The following HIF3A variants were observed in gnomAD, a reference collection of about 807,000 sequenced individuals.
HIF3A encodes the protein hypoxia inducible factor 3 subunit alpha, also known as hypoxia-inducible factor 3-alpha.
A neutral mutation model predicts 67.2 loss-of-function variants in HIF3A; 41 were observed. The observed-to-expected ratio is 0.61, with a 90% CI of 0.48 to 0.79. The LOEUF (loss-of-function observed/expected upper bound fraction) is 0.79. Among genes scored for constraint, HIF3A ranks in the 30% least tolerant of loss-of-function variants. The probability of loss-of-function intolerance (pLI) is 0.00; values close to 1 mark genes in which losing one functional copy is unlikely to be tolerated. For synonymous variants in HIF3A, 356 were observed against 374.8 expected (o/e 0.95, Z 0.58); for missense variants, 855 against 898.0 (o/e 0.95, Z 0.61).
chr19:46,308,955 C>T (rs1402378528), intron 5 of HIF3A, among the ~76,000 whole-genome samples, 180 bp downstream of exon 5: 1 of 152,044 alleles, frequency 6.6e-6, no homozygotes, highest in Non-Finnish European at 1.5e-5. Flanking sequence ...GAGTTGGGAC[C>T]TGGGGCTCCT....
Position 46,309,338 on chromosome 19 carries a change from A to G in HIF3A, c.749A>G (p.Lys250Arg). The change falls in exon 6 of 15, where the codon AAG becomes AGG. Residue 250 changes from lysine (K) to arginine (R), a missense_variant. Lys to Arg is a conservative substitution (Grantham distance 26). Coordinates refer to ENST00000377670, the MANE Select transcript of HIF3A (RefSeq NM_152795.4). ...AFLSRHSLDMKFTYCDDRIAE... is the reference protein window; with the variant it reads ...AFLSRHSLDMRFTYCDDRIAE... The stretch of plus-strand genomic sequence containing the variant: ...CTCAGCCGCCACAGCCTGGACATGA[A>G]GTTCACCTACTGTGACGACAGGTGG... 6.2e-7 allele frequency: 1 copy of G among 1,611,608 alleles called. No individual in the cohort carries two copies. Among genetic ancestry groups the G allele is most frequent in the Non-Finnish European group, 8.5e-7 (1 of 1,179,070 alleles).
At chr19:46,300,193 C>T (rs1004427785) in intron 1 of HIF3A, among the ~76,000 whole-genome samples, 3 of 152,180 alleles carry the variant, frequency 2.0e-5, no homozygotes, top group Non-Finnish European at 4.4e-5. Flanking sequence ...ATCATTATTA[C>T]AGTATCACTG....
intron 14 of HIF3A, chr19:46,338,593 T>C: frequency 1.0e-6 from 1 of 992,634 alleles, no homozygotes; most frequent in African/African-American, 1.8e-5. Context: ...TTAACTGCTT[T>C]CTCACCAGTA....
chr19:46,306,197 G>T (rs923699149), intron 3 of HIF3A, among the ~76,000 whole-genome samples: 1 of 152,182 alleles, frequency 6.6e-6, no homozygotes, highest in Non-Finnish European at 1.5e-5. Flanking sequence ...CAAATTTAAG[G>T]CCAAATTATC....
In HIF3A at chr19:46,329,453, T is replaced by C; in HGVS notation, c.1687T>C (p.Ser563Pro). The C allele has an allele frequency of 6.5e-7, 1 of 1,536,056 alleles. No homozygotes were observed. Among genetic ancestry groups the C allele is most frequent in the African/African-American group, 1.4e-5 (1 of 72,658 alleles). ...SPSRGDPSASSPMAGARKRTL... is the reference protein window; with the variant it reads ...SPSRGDPSASPPMAGARKRTL... ...TTCCAGAGGGGACCCCTCAGCATCC[T>C]CTCCCATGGCTGGGGCTCGGAAGAG... The change falls in exon 12 of 15, where the codon TCT becomes CCT. Residue 563 changes from serine (S) to proline (P), a missense_variant. Physicochemically the swap from Ser to Pro is moderately conservative, Grantham distance 74. This residue lies in a region of HIF3A where 199 missense variants were observed against 193.8 expected (regional missense o/e 1.03). Transcript: ENST00000377670.
intron 6 of HIF3A, chr19:46,310,625 C>T (rs895765749): frequency 2.0e-5 from 9 of 456,144 alleles, no homozygotes; most frequent in African/African-American, 1.6e-4. Context: ...CTCTGTGCCA[C>T]AATTTCCTCA....
chr19:46,308,288 C>T lies in HIF3A; in HGVS notation c.431C>T (p.Ala144Val), dbSNP rs1178806123. The T allele has an allele frequency of 6.2e-7, 1 of 1,612,142 alleles. No individual in the cohort carries two copies. Among genetic ancestry groups the T allele is most frequent in the Admixed American group, 1.7e-5 (1 of 59,878 alleles). The change falls in exon 4 of 15, where the codon GCC becomes GTC. Residue 144 changes from alanine (A) to valine (V), a missense_variant. Coordinates refer to ENST00000377670, the MANE Select transcript of HIF3A (RefSeq NM_152795.4). The stretch of plus-strand genomic sequence containing the variant: ...TGTGACCAAGAGGAGCTTCAGGACG[C>T]CCTGACCCCCCAGCAGAGTGAGTTC... ...HPCDQEELQD[A>V]LTPQQTLSRR... is the part of the protein sequence containing the mutation.
intron 14 of HIF3A, chr19:46,338,084 G>A (rs116360838): frequency 0.031 from 12,642 of 408,668 alleles, 307 homozygotes; most frequent in African/African-American, 0.054. Flanking sequence ...TCCAATTGGC[G>A]CTTCTCACTG....
At position 46,312,143 on chromosome 19, in the gene HIF3A, A is replaced by G. The variant is rs944166463; in HGVS notation, c.771-18A>G. 20 of 1,604,502 alleles carry G rather than the reference A, an allele frequency of 1.2e-5. No homozygotes were observed. The highest frequency in any genetic ancestry group is 1.6e-5 in the Non-Finnish European group (19 of 1,172,754). On this transcript the variant is annotated intron_variant, in intron 6 of 14. Coordinates refer to ENST00000377670, the MANE Select transcript of HIF3A (RefSeq NM_152795.4). ...CCCAGTAGCATCCTGACCAGACCCC[A>G]CTCCGCCCCACCCCCAGGATTGCAG... is the stretch of plus-strand genomic sequence containing the variant.
chr19:46,304,407 T>C (rs2147124890), intron 2 of HIF3A, among the ~76,000 whole-genome samples: 1 of 152,248 alleles, frequency 6.6e-6, no homozygotes, highest in South Asian at 2.1e-4. Flanking sequence ...CTCTTACGAT[T>C]TGGTCCTCTA....
intron 8 of HIF3A, among the ~76,000 whole-genome samples, chr19:46,318,488 G>A: frequency 7.3e-6 from 1 of 137,880 alleles, no homozygotes; most frequent in South Asian, 2.4e-4. Context: ...GATTGAGGCT[G>A]CAGTGAGCCG....
chr19:46,342,481 C>G lies in HIF3A; in HGVS notation c.*2859C>G, dbSNP rs1384100875. The G allele has an allele frequency of 1.3e-5, 2 of 151,988 alleles. No individual in the cohort carries two copies. Among genetic ancestry groups the G allele is most frequent in the African/African-American group, 4.8e-5 (2 of 41,362 alleles). 9.4% of individuals were successfully genotyped at this position (151,988 alleles called of 1,614,324 possible). The stretch of plus-strand genomic sequence containing the variant: ...AACTACTGAGCTCAAGCAATTCTCC[C>G]TCCTTGGCCTCACCAAAGTGCTGGG... On this transcript the variant is annotated 3_prime_UTR_variant, in exon 15 of 15. Coordinates refer to ENST00000377670, the MANE Select transcript of HIF3A (RefSeq NM_152795.4).
intron 8 of HIF3A, among the ~76,000 whole-genome samples, chr19:46,317,820 A>C (rs79828875): frequency 0.077 from 11,756 of 152,016 alleles, 519 homozygotes; most frequent in South Asian, 0.11. Context: ...TTTTCTCTGT[A>C]GTACTTACCA....
At position 46,334,940 on chromosome 19, in the gene HIF3A, C is replaced by G. The variant is rs773108070; in HGVS notation, c.1866C>G (p.Ser622Arg). The G allele has an allele frequency of 6.2e-7, 1 of 1,609,174 alleles. No homozygotes were observed. Among genetic ancestry groups the G allele is most frequent in the Admixed American group, 1.7e-5 (1 of 59,100 alleles). ...FLLTGGPAPG[S>R]LQDPSTPLLN... is the part of the protein sequence containing the mutation. ...TGACAGGAGGACCAGCCCCAGGGAGCCTGCAGGACCCCAGCACCCCACTCC... is the reference window on the plus strand; with the variant it reads ...TGACAGGAGGACCAGCCCCAGGGAGGCTGCAGGACCCCAGCACCCCACTCC... The change falls in exon 14 of 15, where the codon AGC (serine) becomes AGG (arginine). Residue 622 changes from serine (S) to arginine (R), a missense_variant. By Grantham distance (110) the Ser-to-Arg change is moderately radical. Around this residue, in one of 3 missense-constraint regions of HIF3A, gnomAD observed 199 missense variants for 193.8 expected, o/e 1.03. Coordinates refer to ENST00000377670, the MANE Select transcript of HIF3A (RefSeq NM_152795.4).
At chr19:46,316,802 CAAAAAA>C (rs35910734) in intron 8 of HIF3A, among the ~76,000 whole-genome samples, 3 of 120,542 alleles carry the variant, frequency 2.5e-5, no homozygotes, top group Non-Finnish European at 3.3e-5. Context: ...GACTCCATCT[CAAAAAA>C]AAAAAAAAAG....
At chr19:46,323,893 A>G (rs1970570880) in intron 10 of HIF3A, among the ~76,000 whole-genome samples, 1 of 152,156 alleles carries the variant, frequency 6.6e-6, no homozygotes, top group Non-Finnish European at 1.5e-5. Context: ...CCATGATTCA[A>G]TTATCGCTGA....
chr19:46,336,388 GA>G (rs1447528246), intron 14 of HIF3A, among the ~76,000 whole-genome samples: 2 of 150,638 alleles, frequency 1.3e-5, no homozygotes, highest in Non-Finnish European at 3.0e-5. Context: ...TTTTTTTTGA[GA>G]AGGGTCTCGC....
chr19:46,310,770 A>G, intron 6 of HIF3A: 1 of 330,008 alleles, frequency 3.0e-6, no homozygotes, highest in Non-Finnish European at 6.2e-6. Context: ...GTTGTTGTTG[A>G]GGTGGAGTCT....
intron 8 of HIF3A, chr19:46,313,257 ACAAAC>A (rs1276672723): frequency 1.1e-6 from 1 of 921,612 alleles, no homozygotes; most frequent in Non-Finnish European, 1.3e-6. Flanking sequence ...TCTCAAACAA[ACAAAC>A]AAACAAACAA....
Sources: allele counts gnomAD v4.1 joint callset (sites outside exome capture counted in the v4.1 genomes callset), GRCh38; gene constraint gnomAD v4.1.1; regional missense constraint gnomAD v4.1.1; transcripts MANE v1.5; gene names NCBI Gene and HGNC (gene_info 2026-07-23, HGNC 2026-07-21).